The following CMIP variants were observed in gnomAD, a reference collection of about 807,000 sequenced individuals.
CMIP encodes the protein C-Maf-inducing protein.
A neutral mutation model predicts 97.3 loss-of-function variants in CMIP; 13 were observed. The ratio of observed to expected loss-of-function variants is 0.13; its 90% CI spans 0.09 to 0.21. The LOEUF (loss-of-function observed/expected upper bound fraction) is 0.21, where lower values mean the gene tolerates loss of function less well. CMIP is among the 10% of genes least tolerant of loss of function. The probability of loss-of-function intolerance (pLI) is 1.00; values close to 1 mark genes in which losing one functional copy is unlikely to be tolerated. For synonymous variants in CMIP, 538 were observed against 436.3 expected (o/e 1.23, Z -2.91); for missense variants, 847 against 1,024.9 (o/e 0.83, Z 2.37).
chr16:81,561,809 C>T (rs931460537), intron 1 of CMIP, among the ~76,000 whole-genome samples: 1 of 152,224 alleles, frequency 6.6e-6, no homozygotes, highest in African/African-American at 2.4e-5. Context: ...GTTGAAAATT[C>T]AGTTCCTCAG....
intron 3 of CMIP, among the ~76,000 whole-genome samples, chr16:81,641,453 GAT>G (rs1395716736): frequency 6.6e-6 from 1 of 152,152 alleles, no homozygotes; most frequent in Non-Finnish European, 1.5e-5. Flanking sequence ...GCATCTGCGT[GAT>G]GATTGGATTT....
At chr16:81,580,806 C>G (rs1025195340) in intron 1 of CMIP, among the ~76,000 whole-genome samples, 11 of 152,068 alleles carry the variant, frequency 7.2e-5, no homozygotes, top group African/African-American at 2.4e-4. Context: ...CAAAAACAAA[C>G]AAACAAGAGC....
At chr16:81,501,414 G>T (rs552889091) in intron 1 of CMIP, among the ~76,000 whole-genome samples, 4 of 152,130 alleles carry the variant, frequency 2.6e-5, no homozygotes, top group Non-Finnish European at 4.4e-5. Flanking sequence ...CCTGTGCCAC[G>T]CATTGTATCG....
At chr16:81,674,413 G>C (rs1347380254) in intron 9 of CMIP, among the ~76,000 whole-genome samples, 1 of 152,170 alleles carries the variant, frequency 6.6e-6, no homozygotes, top group East Asian at 1.9e-4. Context: ...TTACAGGCGT[G>C]AGCCACCGCG....
At chr16:81,596,258 C>T (rs1157168197) in intron 1 of CMIP, among the ~76,000 whole-genome samples, 1 of 152,082 alleles carries the variant, frequency 6.6e-6, no homozygotes, top group African/African-American at 2.4e-5. Context: ...GTAATCCCAG[C>T]ACTTTGGGAA....
At chr16:81,479,123 C>G (rs1908106889) in intron 1 of CMIP, among the ~76,000 whole-genome samples, 1 of 152,182 alleles carries the variant, frequency 6.6e-6, no homozygotes, top group Admixed American at 6.5e-5. Context: ...GGGGAAGGAG[C>G]TGCTGTGTTT....
At chr16:81,471,920 T>C (rs1907582547) in intron 1 of CMIP, among the ~76,000 whole-genome samples, 1 of 152,188 alleles carries the variant, frequency 6.6e-6, no homozygotes, top group South Asian at 2.1e-4. Context: ...TAAAGAATTG[T>C]CTGGAATTTT....
At chr16:81,540,110 T>C (rs2090421016) in intron 1 of CMIP, among the ~76,000 whole-genome samples, 2 of 152,230 alleles carry the variant, frequency 1.3e-5, no homozygotes, top group African/African-American at 4.8e-5. Context: ...ATTGTGAATT[T>C]GTCAGACGTG....
At position 81,668,756 on chromosome 16, in the gene CMIP, T is replaced by A. The variant is rs527757160; in HGVS notation, c.826-1386T>A. On this transcript the variant is annotated intron_variant, in intron 7 of 20. Coordinates refer to ENST00000537098, the MANE Select transcript of CMIP (RefSeq NM_198390.3). ...TAATGCCTGGTGCCCAACTCCTCAT[T>A]GCACATGTATGCCTCTGTCCACAGC... Among the ~76,000 whole-genome samples, 4 of 151,966 alleles carry A rather than the reference T, an allele frequency of 2.6e-5. No homozygotes were observed. The East Asian group carries it at 7.8e-4, about 29-fold the overall frequency.
chr16:81,515,747 A>G (rs1360989970), intron 1 of CMIP, among the ~76,000 whole-genome samples: 1 of 151,998 alleles, frequency 6.6e-6, no homozygotes, highest in Non-Finnish European at 1.5e-5. Context: ...CCTTGCTCTG[A>G]TCTGCTGGGT....
chr16:81,701,941 A>T, intron 16 of CMIP, 141 bp downstream of exon 16: 1 of 946,714 alleles, frequency 1.1e-6, no homozygotes, highest in African/African-American at 1.6e-5. Flanking sequence ...AATTGGTATT[A>T]CCACCTGCCA....
intron 1 of CMIP, among the ~76,000 whole-genome samples, chr16:81,491,106 T>C (rs939235846): frequency 1.3e-5 from 2 of 152,122 alleles, no homozygotes; most frequent in African/African-American, 2.4e-5. Context: ...TGTGGTGGGT[T>C]CCTGTTCCTG....
chr16:81,476,337 C>T, intron 1 of CMIP: 1 of 1,429,432 alleles, frequency 7.0e-7, no homozygotes, highest in Admixed American at 1.7e-5. Context: ...CACCCTGATA[C>T]ATAAACCCTG....
chr16:81,469,008 C>T (rs1907370383), intron 1 of CMIP, among the ~76,000 whole-genome samples: 2 of 152,224 alleles, frequency 1.3e-5, no homozygotes, highest in South Asian at 2.1e-4. Flanking sequence ...CTTGTTCTTT[C>T]CTACTCCGCT....
intron 1 of CMIP, among the ~76,000 whole-genome samples, chr16:81,538,706 G>T (rs1368766187): frequency 1.3e-5 from 2 of 152,154 alleles, no homozygotes; most frequent in Non-Finnish European, 1.5e-5. Context: ...CCTGAAGAAT[G>T]TGTCAGGATA....
chr16:81,589,669 C>T (rs2150917297), intron 1 of CMIP, among the ~76,000 whole-genome samples: 1 of 152,314 alleles, frequency 6.6e-6, no homozygotes, highest in South Asian at 2.1e-4. Flanking sequence ...TCCATAGATG[C>T]ATAACCATCG....
intron 1 of CMIP, among the ~76,000 whole-genome samples, chr16:81,602,818 C>T (rs2091679538): frequency 6.6e-6 from 1 of 152,210 alleles, no homozygotes. Context: ...ATTCAGCCTC[C>T]TACCCCAGAC....
At chr16:81,544,934 T>G (rs1043531353) in intron 1 of CMIP, among the ~76,000 whole-genome samples, 10 of 152,126 alleles carry the variant, frequency 6.6e-5, no homozygotes, top group African/African-American at 2.4e-4. Flanking sequence ...AACCCCTCAT[T>G]TTTTTGGCAG....
At chr16:81,601,691 A>G (rs1251719196) in intron 1 of CMIP, among the ~76,000 whole-genome samples, 1 of 152,098 alleles carries the variant, frequency 6.6e-6, no homozygotes, top group Non-Finnish European at 1.5e-5. Context: ...GAGCAAAAAG[A>G]CAAAGGCAGA....
Sources: allele counts gnomAD v4.1 joint callset (sites outside exome capture counted in the v4.1 genomes callset), GRCh38; gene constraint gnomAD v4.1.1; transcripts MANE v1.5; gene names NCBI Gene and HGNC (gene_info 2026-07-23, HGNC 2026-07-21).